Variants in TBC1D4 observed in about 807,000 individuals in gnomAD.
The protein encoded by TBC1D4 is TBC (Tre-2, BUB2, CDC16) domain-containing protein.
Under a neutral mutation model 142.5 loss-of-function variants are expected in TBC1D4, and 121 were observed. The ratio of observed to expected loss-of-function variants is 0.85; its 90% CI spans 0.73 to 0.99. The LOEUF is 0.99. Ranked by LOEUF, TBC1D4 falls within the 50% of genes least tolerant of loss-of-function variation. The probability of loss-of-function intolerance (pLI) is 0.00; values close to 1 mark genes in which losing one functional copy is unlikely to be tolerated. For missense variants in TBC1D4, 1,475 were observed against 1,606.6 expected (o/e 0.92, Z 1.40); for synonymous variants, 630 against 628.2 (o/e 1.00, Z -0.04).
At position 75,306,332 on chromosome 13, in the gene TBC1D4, A is replaced by G. The variant is rs779699251; in HGVS notation, c.2733T>C (p.Ile911=). 6.2e-7 allele frequency: 1 copy of G among 1,612,000 alleles called. No individual in the cohort carries two copies. The highest frequency in any genetic ancestry group is 1.1e-5 in the South Asian group (1 of 90,938). Residue 911 remains isoleucine, a synonymous_variant, in exon 15 of 21, where the codon ATT becomes ATC. Transcript: ENST00000377636. The part of the protein sequence containing the change: ...RAKIRCDMED[I]HTLLKEGVPK... ...AAATACCTTCTTTAAGAAGAGTATGAATATCTTCCATATCACATCTGATTT... is the reference window on the plus strand; with the variant it reads ...AAATACCTTCTTTAAGAAGAGTATGGATATCTTCCATATCACATCTGATTT...
At chr13:75,293,823 C>T (rs1462949280) in intron 18 of TBC1D4, among the ~76,000 whole-genome samples, 1 of 152,166 alleles carries the variant, frequency 6.6e-6, no homozygotes, top group Non-Finnish European at 1.5e-5. Flanking sequence ...AAACAAATTT[C>T]TCCAAACAAC....
intron 1 of TBC1D4, among the ~76,000 whole-genome samples, chr13:75,382,941 C>T (rs1205878927): frequency 3.9e-5 from 6 of 152,200 alleles, no homozygotes; most frequent in African/African-American, 1.4e-4. Flanking sequence ...ATGAACCTCA[C>T]ATTATATTTT....
At chr13:75,421,389 A>C (rs1303625753) in intron 1 of TBC1D4, among the ~76,000 whole-genome samples, 6 of 152,200 alleles carry the variant, frequency 3.9e-5, no homozygotes, top group Admixed American at 3.9e-4. Flanking sequence ...GAGTTCACAA[A>C]ATCTTTGAAG....
chr13:75,415,694 T>C (rs1885887535), intron 1 of TBC1D4, among the ~76,000 whole-genome samples: 1 of 152,212 alleles, frequency 6.6e-6, no homozygotes, highest in South Asian at 2.1e-4. Context: ...CCACAAAATT[T>C]CTTGAAATCG....
chr13:75,294,915 G>A lies in TBC1D4; in HGVS notation c.3255C>T (p.Ala1085=), dbSNP rs1457283706. The A allele has an allele frequency of 1.2e-6, 2 of 1,613,812 alleles. No homozygotes were observed. Among genetic ancestry groups the A allele is most frequent in the African/African-American group, 1.3e-5 (1 of 74,884 alleles). The change falls in exon 18 of 21, where the codon GCC becomes GCT. Residue 1085 remains alanine, a synonymous_variant. Coordinates refer to ENST00000377636, the MANE Select transcript of TBC1D4 (RefSeq NM_014832.5). ...AGGCAAACAATGTGAGGAACCAGGG[G>A]GCAGCATAAAGACTGGGGCTGATTT... ...ENEISPSLYA[A]PWFLTLFASQ...
At chr13:75,391,657 C>T (rs1183592540) in intron 1 of TBC1D4, among the ~76,000 whole-genome samples, 1 of 152,200 alleles carries the variant, frequency 6.6e-6, no homozygotes, top group African/African-American at 2.4e-5. Flanking sequence ...CTACCCAGGG[C>T]TCTATGATTG....
chr13:75,399,967 A>T (rs937655384), intron 1 of TBC1D4, among the ~76,000 whole-genome samples: 1 of 152,098 alleles, frequency 6.6e-6, no homozygotes, highest in Non-Finnish European at 1.5e-5. Flanking sequence ...AGCCATTCCC[A>T]GCCAGCCCCT....
At chr13:75,325,414 GTTTT>G (rs540771610) in intron 10 of TBC1D4, among the ~76,000 whole-genome samples, 3 of 145,342 alleles carry the variant, frequency 2.1e-5, no homozygotes, top group African/African-American at 2.5e-5. Context: ...ATCGAGTTGT[GTTTT>G]TTTTTTTCTC....
At position 75,299,823 on chromosome 13, in the gene TBC1D4, CAAAAAAAAAAA is replaced by C. The variant is rs56719877; in HGVS notation, c.2912-260_2912-250del. Reference sequence around the variant, plus strand: ...TATGCTAACCAGTACTTCTTTCCAGCAAAAAAAAAAAAAAAAAAAAAAAAATACAATAAAAA... The same window carrying C: ...TATGCTAACCAGTACTTCTTTCCAGCAAAAAAAAAAAAAATACAATAAAAA... On this transcript the variant is annotated intron_variant, in intron 16 of 20. Coordinates refer to ENST00000377636, the MANE Select transcript of TBC1D4 (RefSeq NM_014832.5). 1.1e-4 allele frequency among the ~76,000 whole-genome samples: 12 copies of C among 105,964 alleles called. No homozygotes were observed. In the East Asian group the frequency reaches 1.9e-3, roughly 16 times the overall value. 69.5% of individuals were successfully genotyped at this position (105,964 alleles called of 152,430 possible). A position where few individuals can be genotyped will look rare whatever the true frequency, so the allele number is the denominator to read the frequency against.
rs527316970 is a variant in TBC1D4 at position 75,341,808 on chromosome 13, T to C, written c.1409-221A>G. Among the ~76,000 whole-genome samples the C allele has an allele frequency of 2.7e-4, 41 of 152,348 alleles. 2 individuals are homozygous for C. The South Asian group carries it at 7.2e-3, about 27-fold the overall frequency. The stretch of plus-strand genomic sequence containing the variant: ...AAATCAACAGCCCCCAGTAGTGATC[T>C]TGGCATTACAATTACTAACAACGGG... On this transcript the variant is annotated intron_variant, in intron 5 of 20. Coordinates refer to ENST00000377636, the MANE Select transcript of TBC1D4 (RefSeq NM_014832.5).
chr13:75,301,525 G>C (rs1408381110), intron 16 of TBC1D4, among the ~76,000 whole-genome samples: 1 of 151,774 alleles, frequency 6.6e-6, no homozygotes, highest in African/African-American at 2.4e-5. Flanking sequence ...GGTGCCTGTA[G>C]TCCCAGCTAC....
At chr13:75,292,783 C>G (rs1257026036) in intron 18 of TBC1D4, among the ~76,000 whole-genome samples, 4 of 151,536 alleles carry the variant, frequency 2.6e-5, no homozygotes, top group Non-Finnish European at 5.9e-5. Context: ...CAACCTCAAT[C>G]AGGAGAGAAA....
At chr13:75,478,985 T>C (rs1566520447) in intron 1 of TBC1D4, among the ~76,000 whole-genome samples, 1 of 152,230 alleles carries the variant, frequency 6.6e-6, no homozygotes, top group Non-Finnish European at 1.5e-5. Context: ...TACTTTAAAA[T>C]GCGGGGTCAT....
intron 1 of TBC1D4, among the ~76,000 whole-genome samples, chr13:75,463,910 CA>C (rs1228242736): frequency 9.8e-5 from 15 of 152,320 alleles, no homozygotes; most frequent in Non-Finnish European, 1.8e-4. Context: ...TTCACCTCCA[CA>C]AGTGGCCTTC....
intron 1 of TBC1D4, among the ~76,000 whole-genome samples, chr13:75,364,834 G>A (rs964814132): frequency 1.1e-4 from 17 of 152,172 alleles, no homozygotes; most frequent in Non-Finnish European, 1.9e-4. Context: ...CTCCAAAAGT[G>A]TCTCTACAGA....
intron 1 of TBC1D4, among the ~76,000 whole-genome samples, chr13:75,459,087 C>A (rs142478806): frequency 6.6e-6 from 1 of 152,196 alleles, no homozygotes; most frequent in African/African-American, 2.4e-5. Context: ...CTCGTTGGCA[C>A]ACCTGCTTCC....
intron 13 of TBC1D4, among the ~76,000 whole-genome samples, chr13:75,311,777 A>G (rs10492445): frequency 0.052 from 7,857 of 152,084 alleles, 527 homozygotes; most frequent in African/African-American, 0.15. Context: ...AATGATTATG[A>G]TTATTTGGAT....
intron 8 of TBC1D4, among the ~76,000 whole-genome samples, chr13:75,330,449 A>G (rs891083870): frequency 6.6e-6 from 1 of 152,254 alleles, no homozygotes; most frequent in Admixed American, 6.5e-5. Flanking sequence ...ATCATGTGCC[A>G]TATACTACGT....
chr13:75,414,721 T>C (rs1051429551), intron 1 of TBC1D4, among the ~76,000 whole-genome samples: 7 of 151,996 alleles, frequency 4.6e-5, no homozygotes, highest in African/African-American at 1.7e-4. Flanking sequence ...ATAATCCAGA[T>C]ATGAGGTGAT....
Sources: allele counts gnomAD v4.1 joint callset (sites outside exome capture counted in the v4.1 genomes callset), GRCh38; gene constraint gnomAD v4.1.1; transcripts MANE v1.5; gene names NCBI Gene and HGNC (gene_info 2026-07-23, HGNC 2026-07-21).